Variants in COL4A2 observed in about 807,000 individuals in gnomAD.
The protein encoded by COL4A2 is collagen alpha-2(IV) chain.
In COL4A2, 99 loss-of-function variants were observed where a neutral mutation model predicts 200.2. That is an observed-to-expected ratio of 0.49 (90% confidence interval 0.42 to 0.58). COL4A2 has a LOEUF of 0.58. Ranked by LOEUF, COL4A2 falls within the 20% of genes least tolerant of loss-of-function variation. The probability of loss-of-function intolerance (pLI) is 0.00; values close to 1 mark genes in which losing one functional copy is unlikely to be tolerated. For missense variants in COL4A2, 1,950 were observed against 2,314.1 expected (o/e 0.84, Z 3.23); for synonymous variants, 897 against 900.6 (o/e 1.00, Z 0.07).
intron 4 of COL4A2, among the ~76,000 whole-genome samples, chr13:110,389,088 T>C (rs898148947): frequency 1.3e-5 from 2 of 152,150 alleles, no homozygotes; most frequent in East Asian, 1.9e-4. Context: ...GTTGGGTTTA[T>C]AAAGGCAAGA....
chr13:110,441,478 C>G (rs1271282674), intron 16 of COL4A2, among the ~76,000 whole-genome samples: 2 of 152,192 alleles, frequency 1.3e-5, no homozygotes, highest in African/African-American at 4.8e-5. Flanking sequence ...AAACTCAGCC[C>G]AGGGAGCCAA....
intron 4 of COL4A2, among the ~76,000 whole-genome samples, chr13:110,392,998 G>A (rs371328846): frequency 6.6e-5 from 10 of 152,292 alleles, no homozygotes; most frequent in African/African-American, 2.4e-4. Flanking sequence ...AGCCTGGAGC[G>A]AGAACTCACA....
chr13:110,407,121 T>C (rs990856355), intron 4 of COL4A2, among the ~76,000 whole-genome samples: 1 of 152,168 alleles, frequency 6.6e-6, no homozygotes, highest in African/African-American at 2.4e-5. Flanking sequence ...GGAGATTATT[T>C]CAAATAATTG....
At chr13:110,461,100 A>G (rs1468866946) in intron 22 of COL4A2, among the ~76,000 whole-genome samples, 1 of 152,252 alleles carries the variant, frequency 6.6e-6, no homozygotes, top group African/African-American at 2.4e-5. Context: ...GGAAAGAGCT[A>G]GACGCGATTT....
At chr13:110,333,505 T>C (rs1459979615) in intron 3 of COL4A2, among the ~76,000 whole-genome samples, 1 of 152,214 alleles carries the variant, frequency 6.6e-6, no homozygotes, top group African/African-American at 2.4e-5. Flanking sequence ...CACTGATCTC[T>C]TCTTTAATTC....
intron 4 of COL4A2, among the ~76,000 whole-genome samples, chr13:110,420,702 T>C (rs1880214976): frequency 6.6e-6 from 1 of 152,244 alleles, no homozygotes; most frequent in African/African-American, 2.4e-5. Context: ...ATAAGGACGA[T>C]GATTAGCACA....
Position 110,477,987 on chromosome 13 carries a change from T to C in COL4A2, c.2426-16T>C, listed in dbSNP as rs369030756. The C allele has an allele frequency of 1.3e-5, 20 of 1,540,728 alleles. No individual in the cohort carries two copies. The African/African-American group carries it at 2.3e-4, about 18-fold the overall frequency. On this transcript the variant is annotated splice_polypyrimidine_tract_variant and intron_variant, in intron 29 of 47. Transcript: ENST00000360467. ...CCAGAGTTGGCCCCCACAGCTCTTGTCTCTGATTCCTGCAGGAAGCCAAGG... is the reference window on the plus strand; with the variant it reads ...CCAGAGTTGGCCCCCACAGCTCTTGCCTCTGATTCCTGCAGGAAGCCAAGG...
At chr13:110,479,329 G>T (rs539513696) in intron 30 of COL4A2, among the ~76,000 whole-genome samples, 1 of 36,944 alleles carries the variant, frequency 2.7e-5, no homozygotes, top group Non-Finnish European at 6.0e-5. Context: ...CGCGGTCCCC[G>T]GTGACCCAGA....
chr13:110,307,887 G>A lies in COL4A2; in HGVS notation c.-17G>A. The A allele has an allele frequency of 6.2e-7, 1 of 1,611,106 alleles. No homozygotes were observed. The highest frequency in any genetic ancestry group is 8.5e-7 in the Non-Finnish European group (1 of 1,178,618). ...TAAGTGGGACTGACCGGGGCCCAGA[G>A]TGGACGAACCGCCAGCATGGGGAGA... On this transcript the variant is annotated 5_prime_UTR_variant, in exon 2 of 48. It adds an upstream start codon to the 5' untranslated region. Transcript: ENST00000360467. The surrounding 1 kb of genome is among the most constrained non-coding windows in gnomAD (Gnocchi z 5.0).
At chr13:110,361,890 T>C (rs1877529576) in intron 4 of COL4A2, among the ~76,000 whole-genome samples, 3 of 152,226 alleles carry the variant, frequency 2.0e-5, no homozygotes, top group African/African-American at 7.2e-5. Context: ...AGCCAGCCCA[T>C]GTCCTGTAGT....
At chr13:110,483,136 C>A (rs1025993654) in intron 32 of COL4A2, among the ~76,000 whole-genome samples, 25 of 152,114 alleles carry the variant, frequency 1.6e-4, no homozygotes, top group Admixed American at 1.6e-3. Context: ...CATCTCAAGA[C>A]CCCCCACGTA....
chr13:110,308,028 G>T, intron 2 of COL4A2, 41 bp from the exon 3 acceptor site: 1 of 1,611,742 alleles, frequency 6.2e-7, no homozygotes, highest in Non-Finnish European at 8.5e-7. Context: ...GACAAGCCGG[G>T]CCCGCACGTT....
rs187696516 is a variant in COL4A2 at position 110,384,343 on chromosome 13, C to T, written c.180+26791C>T. 2.3e-3 allele frequency among the ~76,000 whole-genome samples: 351 copies of T among 152,224 alleles called. 1 individual carries two copies. The highest frequency in any genetic ancestry group is 3.7e-3 in the Admixed American group (57 of 15,292). On this transcript the variant is annotated intron_variant, in intron 4 of 47. Coordinates refer to ENST00000360467, the MANE Select transcript of COL4A2 (RefSeq NM_001846.4). ...GACACCTTATTAAAACAGAGGAAGT[C>T]CAAGGTGAACTCTAAAACCCTCCTT...
At chr13:110,383,618 T>TTC (rs1213871856) in intron 4 of COL4A2, among the ~76,000 whole-genome samples, 1 of 140,870 alleles carries the variant, frequency 7.1e-6, no homozygotes, top group Non-Finnish European at 1.5e-5. Context: ...TTTTTTTTTT[T>TTC]TTTTTTTTTT....
chr13:110,466,940 G>C lies in COL4A2; in HGVS notation c.2039-100G>C, dbSNP rs563835279. On this transcript the variant is annotated intron_variant, in intron 26 of 47. Transcript: ENST00000360467. ...TTACTCTGATCCCAGAATGGTAGCC[G>C]GTTTGCACAGCTCGTGCTTTTGCCC... is the stretch of plus-strand genomic sequence containing the variant. 4 of 1,467,476 alleles carry C rather than the reference G, an allele frequency of 2.7e-6. No homozygotes were observed. In the South Asian group the frequency reaches 3.6e-5, roughly 13 times the overall value. 90.9% of individuals were successfully genotyped at this position (1,467,476 alleles called of 1,614,324 possible). A position where few individuals can be genotyped will look rare whatever the true frequency, so the allele number is the denominator to read the frequency against.
intron 3 of COL4A2, among the ~76,000 whole-genome samples, chr13:110,343,031 A>G (rs527488245): frequency 2.6e-5 from 4 of 152,230 alleles, no homozygotes; most frequent in Non-Finnish European, 4.4e-5. Flanking sequence ...AAATGTGTGC[A>G]TGCTAATTCC....
rs201082622 is a variant in COL4A2, at chr13:110,506,482, C to A, written c.4470C>A (p.Tyr1490Ter). 5 of 1,611,556 alleles carry A rather than the reference C, an allele frequency of 3.1e-6. No homozygotes were observed. The highest frequency in any genetic ancestry group is 2.2e-5 in the East Asian group (1 of 44,844). Residue 1490 changes from tyrosine to a stop codon, truncating the protein, a stop_gained, in exon 46 of 48, where the codon TAC becomes TAA. Coordinates refer to ENST00000360467, the MANE Select transcript of COL4A2 (RefSeq NM_001846.4). LOFTEE classifies it high-confidence loss of function. ...GMPGRSVSIG[Y>*]LLVKHSQTDQ... ...CAGGCCGCAGCGTCAGCATCGGCTA[C>A]CTCCTGGTGAAGCACAGCCAGACGG...
chr13:110,414,812 T>G (rs1376651490), intron 4 of COL4A2, among the ~76,000 whole-genome samples: 1 of 152,260 alleles, frequency 6.6e-6, no homozygotes, highest in Non-Finnish European at 1.5e-5. Flanking sequence ...AGACAAAGGT[T>G]GTTTTTGTAT....
intron 4 of COL4A2, among the ~76,000 whole-genome samples, chr13:110,404,523 C>G (rs1489211150): frequency 6.6e-6 from 1 of 152,122 alleles, no homozygotes; most frequent in African/African-American, 2.4e-5. Flanking sequence ...TTGTGCTAGG[C>G]CAACAGGGAG....
Sources: allele counts gnomAD v4.1 joint callset (sites outside exome capture counted in the v4.1 genomes callset), GRCh38; gene constraint gnomAD v4.1.1; non-coding constraint Gnocchi (gnomAD v3.1); transcripts MANE v1.5; gene names NCBI Gene and HGNC (gene_info 2026-07-23, HGNC 2026-07-21).